The following RMST variants were observed in gnomAD, a reference collection of about 807,000 sequenced individuals.
RMST encodes the protein long intergenic non-protein coding RNA 54.
intron 5 of RMST, among the ~76,000 whole-genome samples, chr12:97,491,381 G>A (rs995283975): frequency 1.4e-4 from 21 of 152,040 alleles, no homozygotes; most frequent in Non-Finnish European, 2.1e-4. Flanking sequence ...ATGAGTCGAG[G>A]GCACGGTACT....
intron 10 of RMST, among the ~76,000 whole-genome samples, chr12:97,506,766 C>T (rs545171785): frequency 6.7e-6 from 1 of 150,332 alleles, no homozygotes; most frequent in Admixed American, 6.6e-5. Flanking sequence ...TCACTGCAAC[C>T]TCTGCCTCCT....
chr12:97,543,390 C>T (rs956229012), intron 11 of RMST, among the ~76,000 whole-genome samples: 32 of 152,100 alleles, frequency 2.1e-4, no homozygotes, highest in African/African-American at 7.7e-4. Context: ...TGTTGGTTGT[C>T]TATCATCCCT....
intron 10 of RMST, among the ~76,000 whole-genome samples, chr12:97,501,944 T>A (rs925693551): frequency 1.3e-5 from 2 of 152,174 alleles, no homozygotes; most frequent in African/African-American, 4.8e-5. Context: ...CAAAGCACAT[T>A]ACTGCTGCTT....
chr12:97,482,948 C>G (rs975896056), intron 5 of RMST, among the ~76,000 whole-genome samples: 1 of 151,750 alleles, frequency 6.6e-6, no homozygotes, highest in African/African-American at 2.4e-5. Context: ...GCTTACACAA[C>G]TGTAAGTTTC....
intron 10 of RMST, among the ~76,000 whole-genome samples, chr12:97,513,958 G>A (rs981311185): frequency 3.3e-5 from 5 of 152,184 alleles, no homozygotes; most frequent in Non-Finnish European, 4.4e-5. Context: ...TTCCACTGTA[G>A]GACTGGAAGC....
In RMST at chr12:97,483,828, A is replaced by G. The variant is rs559902710; in HGVS notation, n.645-8633A>G. Among the ~76,000 whole-genome samples, 28 of 152,272 alleles carry G rather than the reference A, an allele frequency of 1.8e-4. No individual in the cohort carries two copies. The South Asian group carries it at 5.8e-3, about 32-fold the overall frequency. ...TGTCTATGTGTGTATGTAAAGCCCA[A>G]GTGGGACAATATTATACTTAACGTT... On this transcript the variant is annotated intron_variant and non_coding_transcript_variant, in intron 5 of 13. Transcript: ENST00000640149.
intron 5 of RMST, among the ~76,000 whole-genome samples, chr12:97,468,009 C>T (rs915227883): frequency 6.6e-6 from 1 of 151,944 alleles, no homozygotes; most frequent in Non-Finnish European, 1.5e-5. Flanking sequence ...AGAGCATCAT[C>T]TAGGAAATTT....
chr12:97,536,511 G>A (rs1882088593), intron 11 of RMST, among the ~76,000 whole-genome samples: 1 of 151,410 alleles, frequency 6.6e-6, no homozygotes, highest in South Asian at 2.1e-4. Context: ...AGAGAAGTGT[G>A]GTCAGTCTAA....
chr12:97,550,790 T>C (rs1883258757), intron 11 of RMST, among the ~76,000 whole-genome samples: 1 of 152,176 alleles, frequency 6.6e-6, no homozygotes, highest in Non-Finnish European at 1.5e-5. Context: ...AGCCATATAT[T>C]CATGCACATA....
chr12:97,475,952 C>T (rs1215364776), intron 5 of RMST, among the ~76,000 whole-genome samples: 3 of 152,120 alleles, frequency 2.0e-5, no homozygotes, highest in African/African-American at 4.8e-5. Context: ...CACATACTGA[C>T]GTTGTTTGAG....
intron 11 of RMST, among the ~76,000 whole-genome samples, chr12:97,539,664 G>A (rs906910231): frequency 1.5e-4 from 23 of 151,494 alleles, no homozygotes; most frequent in African/African-American, 5.6e-4. Context: ...GTGGAGATGC[G>A]AACGTGTTTT....
intron 11 of RMST, among the ~76,000 whole-genome samples, chr12:97,547,413 G>C (rs1368506247): frequency 1.3e-5 from 2 of 151,896 alleles, no homozygotes; most frequent in Non-Finnish European, 1.5e-5. Flanking sequence ...ATACCCAGTA[G>C]TGGGATTGCT....
intron 10 of RMST, among the ~76,000 whole-genome samples, chr12:97,511,673 GAAGT>G (rs546337221): frequency 3.7e-4 from 56 of 152,292 alleles, no homozygotes; most frequent in Non-Finnish European, 6.6e-4. Context: ...CCTCATGTAG[GAAGT>G]AAGTACTATT....
At chr12:97,477,941 C>T (rs564369611) in intron 5 of RMST, among the ~76,000 whole-genome samples, 8 of 152,210 alleles carry the variant, frequency 5.3e-5, no homozygotes, top group Admixed American at 4.6e-4. Flanking sequence ...TAAAGAAATC[C>T]GTAGACTTGG....
At chr12:97,553,484 C>T (rs192281519) in intron 11 of RMST, among the ~76,000 whole-genome samples, 2 of 152,266 alleles carry the variant, frequency 1.3e-5, no homozygotes, top group East Asian at 3.9e-4. Context: ...AACTAAGTTC[C>T]ATGAGGGCAG....
intron 10 of RMST, among the ~76,000 whole-genome samples, chr12:97,514,376 A>G (rs1296744714): frequency 2.6e-5 from 4 of 152,212 alleles, no homozygotes; most frequent in South Asian, 2.1e-4. Context: ...TTACTTGTCA[A>G]CCATGTTCAA....
chr12:97,465,853 T>G (rs908823024), intron 5 of RMST: 1 of 152,224 alleles, frequency 6.6e-6, no homozygotes, highest in South Asian at 2.1e-4. Context: ...ATATTAAAGG[T>G]TTAAAGAGAA....
intron 11 of RMST, among the ~76,000 whole-genome samples, chr12:97,536,603 C>T: frequency 6.6e-6 from 1 of 151,378 alleles, no homozygotes; most frequent in East Asian, 2.0e-4. Context: ...TCAACTTGTA[C>T]TGAAAGTGAC....
intron 13 of RMST, among the ~76,000 whole-genome samples, chr12:97,562,832 G>C (rs1255720524): frequency 6.6e-6 from 1 of 152,170 alleles, no homozygotes; most frequent in African/African-American, 2.4e-5. Context: ...GTCACCTCTA[G>C]ATGGAAATAG....
Sources: allele counts gnomAD v4.1 joint callset (sites outside exome capture counted in the v4.1 genomes callset), GRCh38; gene constraint gnomAD v4.1.1; transcripts MANE v1.5; gene names NCBI Gene and HGNC (gene_info 2026-07-23, HGNC 2026-07-21).